Variants in CNTLN observed in about 807,000 individuals in gnomAD.
CNTLN encodes the protein centlein, also known as centlein, centrosomal protein.
Under a neutral mutation model 180.0 loss-of-function variants are expected in CNTLN, and 212 were observed. The ratio of observed to expected loss-of-function variants is 1.18; its 90% CI spans 1.05 to 1.32. The LOEUF (loss-of-function observed/expected upper bound fraction) is 1.32. Ranked by LOEUF, CNTLN falls within the 40% of genes most tolerant of loss-of-function variation. The pLI, the probability that CNTLN is intolerant of heterozygous loss-of-function variation, is 0.00. For synonymous variants in CNTLN, 722 were observed against 563.1 expected (o/e 1.28, Z -3.99); for missense variants, 2,095 against 1,610.9 (o/e 1.30, Z -5.14).
chr9:17,366,869 G>T, intron 13 of CNTLN, 152 bp downstream of exon 13: 1 of 520,410 alleles, frequency 1.9e-6, no homozygotes. Context: ...TTCATCCTGA[G>T]AAAATTAAAT....
At chr9:17,252,265 G>C (rs1320344968) in intron 5 of CNTLN, among the ~76,000 whole-genome samples, 5 of 151,842 alleles carry the variant, frequency 3.3e-5, no homozygotes, top group South Asian at 2.1e-4. Context: ...CCAGTAGTGG[G>C]ATTGTGGGAT....
chr9:17,287,912 G>T lies in CNTLN; in HGVS notation c.984-10278G>T, dbSNP rs1311292940. On this transcript the variant is annotated intron_variant, in intron 6 of 25. Coordinates refer to ENST00000380647, the MANE Select transcript of CNTLN (RefSeq NM_017738.4). ...TTCTTCTCTCTTTTTTTCTTTATTA[G>T]TCTTGCTAGTGGTCTATCAATTTTG... is the stretch of plus-strand genomic sequence containing the variant. Among the ~76,000 whole-genome samples the T allele has an allele frequency of 3.5e-5, 5 of 144,452 alleles. 1 individual carries two copies. The highest frequency in any genetic ancestry group is 1.4e-4 in the African/African-American group (5 of 36,632). 94.8% of individuals were successfully genotyped at this position (144,452 alleles called of 152,430 possible). A position where few individuals can be genotyped will look rare whatever the true frequency, so the allele number is the denominator to read the frequency against.
chr9:17,341,206 TG>T (rs1293613909), intron 11 of CNTLN, among the ~76,000 whole-genome samples: 1 of 152,124 alleles, frequency 6.6e-6, no homozygotes, highest in Non-Finnish European at 1.5e-5. Flanking sequence ...TTAATATCAA[TG>T]GAATAACTTA....
At chr9:17,297,589 C>G (rs545116620) in intron 6 of CNTLN, among the ~76,000 whole-genome samples, 2 of 152,118 alleles carry the variant, frequency 1.3e-5, no homozygotes, top group Non-Finnish European at 2.9e-5. Context: ...TCAGTTTCAT[C>G]CTGGGTAGGT....
At chr9:17,290,327 CA>C (rs1461933892) in intron 6 of CNTLN, among the ~76,000 whole-genome samples, 1 of 151,332 alleles carries the variant, frequency 6.6e-6, no homozygotes, top group Admixed American at 6.6e-5. Context: ...GCTCGGGGGT[CA>C]GGGGTCAGGG....
At chr9:17,254,018 A>G (rs923120234) in intron 5 of CNTLN, among the ~76,000 whole-genome samples, 2 of 151,500 alleles carry the variant, frequency 1.3e-5, no homozygotes, top group African/African-American at 4.8e-5. Flanking sequence ...ATTTTTCTGT[A>G]TTAATTGAGA....
intron 2 of CNTLN, among the ~76,000 whole-genome samples, chr9:17,183,118 G>C (rs1821225973): frequency 6.6e-6 from 1 of 152,124 alleles, no homozygotes; most frequent in Non-Finnish European, 1.5e-5. Flanking sequence ...GATAGAATCT[G>C]TATTTACTAA....
At chr9:17,320,220 A>G (rs1454338431) in intron 8 of CNTLN, among the ~76,000 whole-genome samples, 1 of 152,134 alleles carries the variant, frequency 6.6e-6, no homozygotes, top group Non-Finnish European at 1.5e-5. Context: ...GCTTTCCTCA[A>G]TTGAAGAGAA....
intron 2 of CNTLN, among the ~76,000 whole-genome samples, chr9:17,174,194 AGT>A (rs2082465180): frequency 6.6e-6 from 1 of 152,196 alleles, no homozygotes; most frequent in Non-Finnish European, 1.5e-5. Context: ...ATTGCTGAAG[AGT>A]GTCCCATAGT....
At chr9:17,426,419 A>G (rs995692083) in intron 18 of CNTLN, among the ~76,000 whole-genome samples, 1 of 152,182 alleles carries the variant, frequency 6.6e-6, no homozygotes, top group Non-Finnish European at 1.5e-5. Flanking sequence ...ACTAATATCC[A>G]TTAATCTAAA....
At chr9:17,348,590 G>C (rs957248919) in intron 12 of CNTLN, among the ~76,000 whole-genome samples, 2 of 151,206 alleles carry the variant, frequency 1.3e-5, no homozygotes, top group African/African-American at 4.9e-5. Flanking sequence ...CAGTGCAGTG[G>C]AGTGATTTTG....
intron 21 of CNTLN, 81 bp from the exon 22 acceptor site, chr9:17,465,900 A>C (rs1831716704): frequency 9.3e-7 from 1 of 1,070,108 alleles, no homozygotes; most frequent in African/African-American, 1.6e-5. Context: ...TCATTCACTC[A>C]TTTAGTTTCT....
At chr9:17,288,709 T>G (rs1347665389) in intron 6 of CNTLN, among the ~76,000 whole-genome samples, 1 of 138,900 alleles carries the variant, frequency 7.2e-6, no homozygotes, top group African/African-American at 3.0e-5. Flanking sequence ...GGTGCATATA[T>G]ATTTAGGATA....
At chr9:17,397,099 C>G (rs1826592463) in intron 15 of CNTLN, among the ~76,000 whole-genome samples, 1 of 152,150 alleles carries the variant, frequency 6.6e-6, no homozygotes, top group Non-Finnish European at 1.5e-5. Flanking sequence ...GTGCCATTTA[C>G]TTATGTGCAA....
intron 6 of CNTLN, among the ~76,000 whole-genome samples, chr9:17,292,794 A>G (rs895415194): frequency 6.6e-6 from 1 of 152,070 alleles, no homozygotes; most frequent in Non-Finnish European, 1.5e-5. Context: ...TCTGAGGCCT[A>G]CTTGTGTCAG....
At chr9:17,501,170 A>G (rs554185521) in intron 25 of CNTLN, among the ~76,000 whole-genome samples, 1 of 152,318 alleles carries the variant, frequency 6.6e-6, no homozygotes, top group South Asian at 2.1e-4. Flanking sequence ...TTAAAACTGA[A>G]GAAATGTGCT....
chr9:17,201,136 A>G (rs905133057), intron 2 of CNTLN, among the ~76,000 whole-genome samples: 1 of 152,150 alleles, frequency 6.6e-6, no homozygotes, highest in Non-Finnish European at 1.5e-5. Flanking sequence ...GATTACGTTT[A>G]TTGATTTGTG....
intron 13 of CNTLN, among the ~76,000 whole-genome samples, chr9:17,387,184 C>T (rs1465923743): frequency 6.6e-6 from 1 of 152,146 alleles, no homozygotes; most frequent in Non-Finnish European, 1.5e-5. Context: ...TTCTACTCTA[C>T]AGAGAATAAT....
chr9:17,511,525 A>C, the CNTLN span, among the ~76,000 whole-genome samples: 1 of 152,090 alleles, frequency 6.6e-6, no homozygotes, highest in Non-Finnish European at 1.5e-5. Flanking sequence ...AGTTCCACAC[A>C]GTTCAGTTGT....
Sources: gnomAD v4.1 joint callset for allele counts (sites outside exome capture counted in the v4.1 genomes callset) on GRCh38, gnomAD v4.1.1 for gene constraint, MANE v1.5 for transcripts, NCBI Gene and HGNC (gene_info 2026-07-23, HGNC 2026-07-21) for gene names.